Variants in AGAP1 observed in about 807,000 individuals in gnomAD.
The protein encoded by AGAP1 is arf-GAP with GTPase, ANK repeat and PH domain-containing protein 1.
In AGAP1, 29 loss-of-function variants were observed where a neutral mutation model predicts 105.3. The observed-to-expected ratio is 0.28, with a 90% CI of 0.21 to 0.38. The LOEUF is 0.38. Among genes scored for constraint, AGAP1 ranks in the 10% least tolerant of loss-of-function variants. The probability of loss-of-function intolerance (pLI) is 1.00; values close to 1 mark genes in which losing one functional copy is unlikely to be tolerated. For synonymous variants in AGAP1, 509 were observed against 485.9 expected, an observed-to-expected ratio of 1.05 and a Z score of -0.63; for missense variants, 998 against 1,165.1, an observed-to-expected ratio of 0.86 and a Z score of 2.09.
chr2:235,728,614 T>G lies in AGAP1; in HGVS notation c.310+10970T>G, dbSNP rs921558175. 2.0e-5 allele frequency among the ~76,000 whole-genome samples: 3 copies of G among 152,124 alleles called. No individual in the cohort carries two copies. The highest frequency in any genetic ancestry group is 7.2e-5 in the African/African-American group (3 of 41,420). On this transcript the variant is annotated intron_variant, in intron 3 of 17. Coordinates refer to ENST00000304032, the MANE Select transcript of AGAP1 (RefSeq NM_001037131.3). The surrounding 1 kb of genome is among the most constrained non-coding windows in gnomAD (Gnocchi z 4.3). ...CTGGGTCCGAAAGCTGGTGGTGGTC[T>G]GTTCTTGTTGTATGAGGGCAGCCCA...
intron 1 of AGAP1, among the ~76,000 whole-genome samples, chr2:235,652,111 T>C (rs2149324977): frequency 6.6e-6 from 1 of 152,300 alleles, no homozygotes; most frequent in Admixed American, 6.5e-5. Flanking sequence ...GAAAGACACC[T>C]GGAGTGGGCA....
chr2:235,938,902 A>G (rs916252917), intron 12 of AGAP1, among the ~76,000 whole-genome samples: 1 of 152,086 alleles, frequency 6.6e-6, no homozygotes, highest in Non-Finnish European at 1.5e-5. Flanking sequence ...CGATTTTTAA[A>G]AATACTTGTT....
At chr2:235,522,135 T>G (rs1222111227) in intron 1 of AGAP1, among the ~76,000 whole-genome samples, 1 of 152,170 alleles carries the variant, frequency 6.6e-6, no homozygotes, top group Non-Finnish European at 1.5e-5. Flanking sequence ...AGAGTCTGTT[T>G]AGGGGTGATG....
Position 235,960,536 on chromosome 2 carries a change from C to T in AGAP1, c.1484-7926C>T, listed in dbSNP as rs984245077. Among the ~76,000 whole-genome samples, 2 of 152,114 alleles carry T rather than the reference C, an allele frequency of 1.3e-5. No individual in the cohort carries two copies. The highest frequency in any genetic ancestry group is 2.4e-5 in the African/African-American group (1 of 41,442). Reference sequence around the variant, plus strand: ...GTGCAGGTGGGCGTGCGGACTCTTCCGTACCTCACTTCTCCCTGCACCTGT... The same window carrying T: ...GTGCAGGTGGGCGTGCGGACTCTTCTGTACCTCACTTCTCCCTGCACCTGT... On this transcript the variant is annotated intron_variant, in intron 12 of 17. Coordinates refer to ENST00000304032, the MANE Select transcript of AGAP1 (RefSeq NM_001037131.3). This position sits in a 1 kb window ranked among gnomAD's most constrained non-coding sequence, Gnocchi z 4.9.
At chr2:235,685,009 G>A (rs1388111525) in intron 1 of AGAP1, among the ~76,000 whole-genome samples, 1 of 152,100 alleles carries the variant, frequency 6.6e-6, no homozygotes, top group East Asian at 1.9e-4. Context: ...GGTTCCCTGT[G>A]GCAGGACCCC....
At chr2:236,103,631 G>T (rs371001654) in intron 16 of AGAP1, among the ~76,000 whole-genome samples, 2 of 150,152 alleles carry the variant, frequency 1.3e-5, no homozygotes, top group African/African-American at 4.9e-5. Context: ...GTGCAATGGC[G>T]TGGTCTCGGC....
At chr2:235,757,730 G>C (rs1476157790) in intron 6 of AGAP1, among the ~76,000 whole-genome samples, 1 of 152,162 alleles carries the variant, frequency 6.6e-6, no homozygotes, top group African/African-American at 2.4e-5. Flanking sequence ...GGGAGCCTCG[G>C]TGTGCTCTTG....
At chr2:235,645,902 C>G (rs900853266) in intron 1 of AGAP1, among the ~76,000 whole-genome samples, 11 of 152,294 alleles carry the variant, frequency 7.2e-5, no homozygotes, top group African/African-American at 2.4e-4. Flanking sequence ...CAGAATCTAA[C>G]AATTCTTTGC....
chr2:235,930,972 C>A lies in AGAP1; in HGVS notation c.1483+49C>A. On this transcript the variant is annotated intron_variant, in intron 12 of 17. Coordinates refer to ENST00000304032, the MANE Select transcript of AGAP1 (RefSeq NM_001037131.3). The surrounding 1 kb of genome is among the most constrained non-coding windows in gnomAD (Gnocchi z 7.9). ...GACCCGCAGCCACCTCAAGGTCCTT[C>A]GTTGTAAGCCAGGGGCTGGACAGGA... 6.3e-7 allele frequency: 1 copy of A among 1,591,464 alleles called. No individual in the cohort carries two copies. Among genetic ancestry groups the A allele is most frequent in the South Asian group, 1.1e-5 (1 of 88,022 alleles).
intron 13 of AGAP1, among the ~76,000 whole-genome samples, chr2:236,019,430 CCTGCGGG>C (rs2056815354): frequency 6.6e-6 from 1 of 152,224 alleles, no homozygotes; most frequent in Admixed American, 6.5e-5. Flanking sequence ...GGTATCATGG[CCTGCGGG>C]ATGTGACAGG....
intron 6 of AGAP1, among the ~76,000 whole-genome samples, chr2:235,785,969 G>A (rs557059316): frequency 2.0e-5 from 3 of 152,176 alleles, no homozygotes; most frequent in Non-Finnish European, 4.4e-5. Flanking sequence ...AGAGTGTTGA[G>A]GAGCCTCACG....
intron 1 of AGAP1, among the ~76,000 whole-genome samples, chr2:235,702,866 T>C (rs1207186825): frequency 6.6e-6 from 1 of 151,668 alleles, no homozygotes; most frequent in Non-Finnish European, 1.5e-5. Context: ...GAAAACTGAC[T>C]CCAGTAAAGC....
chr2:235,691,957 T>A lies in AGAP1; in HGVS notation c.164-17222T>A, dbSNP rs1949753434. 6.6e-6 allele frequency among the ~76,000 whole-genome samples: 1 copy of A among 152,162 alleles called. No individual in the cohort carries two copies. The highest frequency in any genetic ancestry group is 6.5e-5 in the Admixed American group (1 of 15,278). ...CATATTGTGAAATGTTTCAGAGAAA[T>A]AACAGCATCACGATAGCACATTCTC... On this transcript the variant is annotated intron_variant, in intron 1 of 17. Transcript: ENST00000304032. The surrounding 1 kb of genome is among the most constrained non-coding windows in gnomAD (Gnocchi z 4.4).
At chr2:235,536,961 C>T (rs1012509267) in intron 1 of AGAP1, among the ~76,000 whole-genome samples, 3 of 152,132 alleles carry the variant, frequency 2.0e-5, no homozygotes, top group Admixed American at 6.5e-5. Context: ...AGGAGCCTGA[C>T]CAACTCCTCC....
intron 1 of AGAP1, among the ~76,000 whole-genome samples, chr2:235,626,779 A>G (rs184627622): frequency 3.9e-5 from 6 of 152,302 alleles, no homozygotes; most frequent in Admixed American, 3.3e-4. Context: ...GGTTTTGAGG[A>G]TGGTACCGTC....
intron 9 of AGAP1, among the ~76,000 whole-genome samples, chr2:235,863,310 TAAG>T (rs1157923133): frequency 3.3e-5 from 5 of 152,184 alleles, no homozygotes; most frequent in East Asian, 3.8e-4. Context: ...TGAGAAAAAG[TAAG>T]AAGAAATAAG....
In AGAP1 at chr2:235,752,979, A is replaced by G. The variant is rs565129484; in HGVS notation, c.673+2491A>G. ...TCCTCCTAGTGGGATATGTGTTTGCATAGTGGAGAACAGAGGACACAAGCC... is the reference window on the plus strand; with the variant it reads ...TCCTCCTAGTGGGATATGTGTTTGCGTAGTGGAGAACAGAGGACACAAGCC... On this transcript the variant is annotated intron_variant, in intron 6 of 17. Transcript: ENST00000304032. This position sits in a 1 kb window ranked among gnomAD's most constrained non-coding sequence, Gnocchi z 4.3. Among the ~76,000 whole-genome samples, 2 of 152,262 alleles carry G rather than the reference A, an allele frequency of 1.3e-5. No homozygotes were observed. Among genetic ancestry groups the G allele is most frequent in the East Asian group, 1.9e-4 (1 of 5,162 alleles).
chr2:235,682,797 C>CGTGTGTGT (rs71064869), intron 1 of AGAP1, among the ~76,000 whole-genome samples: 20,409 of 149,362 alleles, frequency 0.14, 1,728 homozygotes, highest in Admixed American at 0.26. Flanking sequence ...TGTGTGCACA[C>CGTGTGTGT]GTGTGTGTGT....
At chr2:235,836,591 G>A (rs1168188164) in intron 9 of AGAP1, among the ~76,000 whole-genome samples, 1 of 152,220 alleles carries the variant, frequency 6.6e-6, no homozygotes, top group Non-Finnish European at 1.5e-5. Context: ...TCTGGTGTCT[G>A]TCACACTTTT....
Sources: allele counts gnomAD v4.1 joint callset (sites outside exome capture counted in the v4.1 genomes callset), GRCh38; gene constraint gnomAD v4.1.1; non-coding constraint Gnocchi (gnomAD v3.1); transcripts MANE v1.5; gene names NCBI Gene and HGNC (gene_info 2026-07-23, HGNC 2026-07-21).